Variants in SMCO2 observed in about 807,000 individuals in gnomAD.
The protein encoded by SMCO2 is single-pass membrane protein with coiled-coil domains 2, also known as single-pass membrane and coiled-coil domain-containing protein 2.
A neutral mutation model predicts 29.5 loss-of-function variants in SMCO2; 25 were observed. The observed-to-expected ratio is 0.85, with a 90% CI of 0.62 to 1.18. The LOEUF is 1.18. Ranked by LOEUF, SMCO2 falls within the 50% of genes most tolerant of loss-of-function variation. The pLI is 0.00. For synonymous variants in SMCO2, 117 were observed against 123.3 expected, an observed-to-expected ratio of 0.95 and a Z score of 0.34; for missense variants, 348 against 344.5, an observed-to-expected ratio of 1.01 and a Z score of -0.08.
the SMCO2 span, among the ~76,000 whole-genome samples, chr12:27,460,414 T>C: frequency 6.6e-6 from 1 of 152,226 alleles, no homozygotes; most frequent in African/African-American, 2.4e-5. Context: ...ATTTTGTACG[T>C]TATTTGTATT....
rs1408230269 is a variant in SMCO2, at chr12:27,470,587, T to C, written c.-10-35T>C. On this transcript the variant is annotated intron_variant, in intron 1 of 7. Coordinates refer to ENST00000298876, the Ensembl canonical transcript of SMCO2. ...GAGGATGTGGTTGCCATTTCTGCCATAAAATCCCTCTTGTTGTCATTATTG... is the reference window on the plus strand; with the variant it reads ...GAGGATGTGGTTGCCATTTCTGCCACAAAATCCCTCTTGTTGTCATTATTG... 3.3e-6 allele frequency: 5 copies of C among 1,536,614 alleles called. No individual in the cohort carries two copies. In the East Asian group the frequency reaches 1.2e-4, roughly 38 times the overall value.
At chr12:27,495,634 G>A in intron 6 of SMCO2, 46 bp from the exon 8 acceptor site, 1 of 1,415,644 alleles carries the variant, frequency 7.1e-7, no homozygotes, top group Non-Finnish European at 9.4e-7. Flanking sequence ...AAGACTTGGA[G>A]ACATTTAGAA....
At chr12:27,475,789 A>C in intron 4 of SMCO2, 58 bp downstream of exon 5, 1 of 1,370,476 alleles carries the variant, frequency 7.3e-7, no homozygotes, top group Non-Finnish European at 9.4e-7. Context: ...TAGCTTTAAA[A>C]ATTTAAGAAA....
intron 4 of SMCO2, among the ~76,000 whole-genome samples, chr12:27,481,236 G>T (rs1949640450): frequency 6.6e-6 from 1 of 152,250 alleles, no homozygotes; most frequent in Non-Finnish European, 1.5e-5. Flanking sequence ...CTCAGTGGGT[G>T]TGTAAGACCC....
chr12:27,452,129 G>T, the SMCO2 span, among the ~76,000 whole-genome samples: 6 of 152,244 alleles, frequency 3.9e-5, no homozygotes, highest in Non-Finnish European at 7.4e-5. Context: ...GAAGGATTGC[G>T]GAGTCATAGG....
chr12:27,472,705 G>A, intron 2 of SMCO2, 71 bp from the exon 3 acceptor site: 3 of 1,106,634 alleles, frequency 2.7e-6, no homozygotes, highest in Non-Finnish European at 3.9e-6. Flanking sequence ...CCTTTAGAAA[G>A]GAGTAGTGCA....
At chr12:27,433,513 AC>A in the SMCO2 span, among the ~76,000 whole-genome samples, 1 of 24,410 alleles carries the variant, frequency 4.1e-5, no homozygotes, top group Non-Finnish European at 1.3e-4. Flanking sequence ...GTATACACAC[AC>A]ACACACACAC....
chr12:27,423,978 T>C, the SMCO2 span: 1 of 152,216 alleles, frequency 6.6e-6, no homozygotes, highest in African/African-American at 2.4e-5. Flanking sequence ...ATACCAGATT[T>C]TGAAGACTAG....
intron 7 of SMCO2, among the ~76,000 whole-genome samples, chr12:27,498,911 A>T (rs1943043917): frequency 6.6e-6 from 1 of 150,614 alleles, no homozygotes. Flanking sequence ...ATCCACTAAG[A>T]TGACTACAGT....
the SMCO2 span, among the ~76,000 whole-genome samples, chr12:27,440,648 GTTTTT>G: frequency 2.4e-4 from 29 of 122,364 alleles, no homozygotes; most frequent in African/African-American, 3.5e-4. Flanking sequence ...TTTTCTGTGG[GTTTTT>G]TTTTTTTTTT....
At chr12:27,446,152 T>C in the SMCO2 span, among the ~76,000 whole-genome samples, 1 of 152,092 alleles carries the variant, frequency 6.6e-6, no homozygotes, top group Admixed American at 6.6e-5. Flanking sequence ...TCCACCCACC[T>C]CAGCCTCCCA....
exon 2 of SMCO2, chr12:27,470,633 T>A (rs1349203192): frequency 6.4e-7 from 1 of 1,550,848 alleles, no homozygotes; most frequent in East Asian, 2.4e-5. Flanking sequence ...GCCGAAGAAA[T>A]GGCTCTCACG....
At chr12:27,475,131 A>T (rs1010095053) in intron 4 of SMCO2, among the ~76,000 whole-genome samples, 6 of 152,278 alleles carry the variant, frequency 3.9e-5, no homozygotes, top group Admixed American at 1.3e-4. Context: ...AAAAAGAAAG[A>T]GCAAACTCTT....
chr12:27,453,444 CTT>C, the SMCO2 span, among the ~76,000 whole-genome samples: 1 of 152,170 alleles, frequency 6.6e-6, no homozygotes, highest in Non-Finnish European at 1.5e-5. Flanking sequence ...GGAACATTCT[CTT>C]ATATATATTC....
chr12:27,495,925 A>AT (rs1431371085), intron 7 of SMCO2, 70 bp downstream of exon 8: 5 of 1,285,754 alleles, frequency 3.9e-6, no homozygotes, highest in South Asian at 2.8e-5. Flanking sequence ...GCTGGGATTG[A>AT]TTTTTTTCAA....
At chr12:27,431,286 G>T in the SMCO2 span, among the ~76,000 whole-genome samples, 1 of 152,250 alleles carries the variant, frequency 6.6e-6, no homozygotes, top group Non-Finnish European at 1.5e-5. Context: ...CGGATTACAG[G>T]CATGAGCTAC....
intron 5 of SMCO2, among the ~76,000 whole-genome samples, chr12:27,492,249 A>T (rs1942926355): frequency 6.6e-6 from 1 of 151,908 alleles, no homozygotes; most frequent in Non-Finnish European, 1.5e-5. Context: ...ATGTCGTTTT[A>T]CTTTTTTTTC....
intron 7 of SMCO2, among the ~76,000 whole-genome samples, chr12:27,498,888 GA>G (rs1487014620): frequency 1.3e-5 from 2 of 149,934 alleles, no homozygotes; most frequent in African/African-American, 5.0e-5. Flanking sequence ...ACCACAGTGG[GA>G]TACCACTTAA....
At chr12:27,450,608 G>C in the SMCO2 span, among the ~76,000 whole-genome samples, 8,624 of 152,318 alleles carry the variant, frequency 0.057, 347 homozygotes, top group African/African-American at 0.11. Flanking sequence ...AACCCAAAGT[G>C]CTCACAGAGG....
Sources: gnomAD v4.1 joint callset for allele counts (sites outside exome capture counted in the v4.1 genomes callset) on GRCh38, gnomAD v4.1.1 for gene constraint, MANE v1.5 for transcripts, NCBI Gene and HGNC (gene_info 2026-07-23, HGNC 2026-07-21) for gene names.